NCKAP5: variants seen among roughly 807,000 people sequenced by gnomAD.
NCKAP5 encodes NCK associated protein 5, also known as nck-associated protein 5.
NCKAP5 carries 92 observed loss-of-function variants against 167.0 expected under a neutral mutation model. The ratio of observed to expected loss-of-function variants is 0.55; its 90% CI spans 0.47 to 0.66. The LOEUF is 0.66. NCKAP5 is among the 30% of genes least tolerant of loss of function. NCKAP5 has a pLI of 0.00. For missense variants in NCKAP5, 2,378 were observed against 2,315.0 expected, an observed-to-expected ratio of 1.03 and a Z score of -0.56; for synonymous variants, 891 against 877.4, an observed-to-expected ratio of 1.02 and a Z score of -0.27.
At chr2:133,421,328 A>G (rs1689463401) in intron 3 of NCKAP5, among the ~76,000 whole-genome samples, 2 of 150,874 alleles carry the variant, frequency 1.3e-5, no homozygotes, top group Non-Finnish European at 3.0e-5. Flanking sequence ...TTCTTTTGTT[A>G]CACATGTCTC....
At chr2:132,853,059 T>G (rs1314129396) in intron 11 of NCKAP5, among the ~76,000 whole-genome samples, 6 of 152,198 alleles carry the variant, frequency 3.9e-5, no homozygotes, top group Non-Finnish European at 8.8e-5. Flanking sequence ...GGCTGTCCCA[T>G]GAATATGATT....
rs373962380 is a variant in NCKAP5 at position 132,861,444 on chromosome 2, T to C, written c.688-833A>G. Among the ~76,000 whole-genome samples, 115 of 152,204 alleles carry C rather than the reference T, an allele frequency of 7.6e-4. 1 individual carries two copies. The highest frequency in any genetic ancestry group is 2.6e-3 in the African/African-American group (109 of 41,518). ...GAATAAAACCCAAATTCAAGGTTCTTCAAAAGCTGACCCTTTTCTGCATTT... is the reference window on the plus strand; with the variant it reads ...GAATAAAACCCAAATTCAAGGTTCTCCAAAAGCTGACCCTTTTCTGCATTT... On this transcript the variant is annotated intron_variant, in intron 10 of 19. Transcript: ENST00000409261.
intron 3 of NCKAP5, among the ~76,000 whole-genome samples, chr2:133,383,098 G>C (rs2150955639): frequency 6.6e-6 from 1 of 151,946 alleles, no homozygotes; most frequent in South Asian, 2.1e-4. Context: ...TAAGTTCTAG[G>C]GTACATGTGC....
chr2:133,466,592 A>G (rs910708186), intron 3 of NCKAP5, among the ~76,000 whole-genome samples: 1 of 152,152 alleles, frequency 6.6e-6, no homozygotes, highest in Non-Finnish European at 1.5e-5. Flanking sequence ...TCTAAAAATT[A>G]CCTTGGGCAG....
At chr2:133,123,624 C>T (rs1253199033) in intron 6 of NCKAP5, 1 of 297,954 alleles carries the variant, frequency 3.4e-6, no homozygotes, top group East Asian at 8.3e-5. Flanking sequence ...CAGAAAATTG[C>T]CCTCTGTATT....
intron 4 of NCKAP5, among the ~76,000 whole-genome samples, chr2:133,227,775 C>A (rs918644001): frequency 1.3e-5 from 2 of 152,118 alleles, no homozygotes; most frequent in African/African-American, 2.4e-5. Flanking sequence ...TGTTTAGATT[C>A]TTCTTTTCTA....
intron 6 of NCKAP5, among the ~76,000 whole-genome samples, chr2:133,073,953 A>G (rs2080509334): frequency 6.6e-6 from 1 of 152,204 alleles, no homozygotes; most frequent in Non-Finnish European, 1.5e-5. Context: ...GACTAGTTTT[A>G]CCTATCACTG....
At chr2:133,199,619 G>A (rs1014162194) in intron 5 of NCKAP5, among the ~76,000 whole-genome samples, 1 of 151,882 alleles carries the variant, frequency 6.6e-6, no homozygotes, top group Non-Finnish European at 1.5e-5. Context: ...TATTTCTAGT[G>A]GAAATGTAAA....
intron 3 of NCKAP5, among the ~76,000 whole-genome samples, chr2:133,460,014 C>T (rs1462712605): frequency 6.6e-6 from 1 of 152,178 alleles, no homozygotes; most frequent in Non-Finnish European, 1.5e-5. Context: ...CGCATCAGTT[C>T]ATTTTTCCTT....
intron 3 of NCKAP5, among the ~76,000 whole-genome samples, chr2:133,306,299 G>T (rs2150584616): frequency 2.6e-5 from 4 of 152,326 alleles, no homozygotes; most frequent in Middle Eastern, 3.4e-3. Flanking sequence ...AAAGGCGAAA[G>T]AAAAGGTCCA....
chr2:133,309,899 G>A (rs1331590398), intron 3 of NCKAP5, among the ~76,000 whole-genome samples: 2 of 152,028 alleles, frequency 1.3e-5, no homozygotes, highest in Admixed American at 1.3e-4. Flanking sequence ...AATAATCTTC[G>A]TATTATAATC....
the NCKAP5 span, among the ~76,000 whole-genome samples, chr2:133,653,632 T>G: frequency 6.6e-6 from 1 of 152,224 alleles, no homozygotes; most frequent in Admixed American, 6.5e-5. Context: ...GGGCAGAAAT[T>G]TCTGCAAATA....
At chr2:133,341,317 G>C (rs1683569714) in intron 3 of NCKAP5, among the ~76,000 whole-genome samples, 1 of 147,876 alleles carries the variant, frequency 6.8e-6, no homozygotes, top group African/African-American at 2.5e-5. Context: ...CACACCTGAA[G>C]ATCATGACTA....
intron 6 of NCKAP5, among the ~76,000 whole-genome samples, chr2:133,086,002 C>A (rs1301335547): frequency 6.6e-6 from 1 of 152,174 alleles, no homozygotes; most frequent in Non-Finnish European, 1.5e-5. Flanking sequence ...ACAATCAATA[C>A]TTGCTACCAG....
chr2:133,590,167 A>G, the NCKAP5 span, among the ~76,000 whole-genome samples: 4 of 152,048 alleles, frequency 2.6e-5, no homozygotes, highest in South Asian at 8.3e-4. Context: ...CTACATCCCT[A>G]TCCTCAGCAT....
At chr2:133,493,119 T>A (rs559186907) in intron 3 of NCKAP5, among the ~76,000 whole-genome samples, 3 of 152,172 alleles carry the variant, frequency 2.0e-5, no homozygotes, top group Non-Finnish European at 4.4e-5. Flanking sequence ...AGTGTAAAAT[T>A]GGGTGTAGCT....
rs569818102 is a variant in NCKAP5, at chr2:133,159,202, C to T, written c.208-29091G>A. Among the ~76,000 whole-genome samples, 3 of 152,160 alleles carry T rather than the reference C, an allele frequency of 2.0e-5. No homozygotes were observed. The East Asian group carries it at 5.8e-4, about 30-fold the overall frequency. On this transcript the variant is annotated intron_variant, in intron 5 of 19. Coordinates refer to ENST00000409261, the MANE Select transcript of NCKAP5 (RefSeq NM_207363.3). The stretch of plus-strand genomic sequence containing the variant: ...CCCAGTGCTGGCTCTGAGATATAGG[C>T]CCACATCAAGGACTGAAGAGAGGCC...
At chr2:133,207,349 T>A (rs1443151383) in intron 5 of NCKAP5, among the ~76,000 whole-genome samples, 2 of 152,186 alleles carry the variant, frequency 1.3e-5, no homozygotes, top group African/African-American at 2.4e-5. Context: ...CCCCGATATA[T>A]GTGTATTGAG....
chr2:133,503,413 G>A (rs896751515), intron 3 of NCKAP5, among the ~76,000 whole-genome samples: 2 of 152,188 alleles, frequency 1.3e-5, no homozygotes, highest in African/African-American at 4.8e-5. Context: ...GAAGAAAACA[G>A]AGGCTCAGAA....
Sources: gnomAD v4.1 joint callset for allele counts (sites outside exome capture counted in the v4.1 genomes callset) on GRCh38, gnomAD v4.1.1 for gene constraint, MANE v1.5 for transcripts, NCBI Gene and HGNC (gene_info 2026-07-23, HGNC 2026-07-21) for gene names.